Variants in ZFHX4 observed in about 807,000 individuals in gnomAD.
ZFHX4 encodes the protein zinc finger homeobox 4, also known as zinc finger homeobox protein 4.
In ZFHX4, 56 loss-of-function variants were observed where a neutral mutation model predicts 267.6. The ratio of observed to expected loss-of-function variants is 0.21; its 90% CI spans 0.17 to 0.26. The LOEUF is 0.26. ZFHX4 is among the 10% of genes least tolerant of loss of function. ZFHX4 has a pLI of 1.00. For missense variants in ZFHX4, 4,332 were observed against 4,420.0 expected, an observed-to-expected ratio of 0.98 and a Z score of 0.56; for synonymous variants, 1,778 against 1,665.6, an observed-to-expected ratio of 1.07 and a Z score of -1.64.
intron 4 of ZFHX4, among the ~76,000 whole-genome samples, chr8:76,794,873 T>TG (rs1554565461): frequency 4.9e-5 from 7 of 143,098 alleles, no homozygotes; most frequent in African/African-American, 1.3e-4. Flanking sequence ...TGGCCTGTCA[T>TG]TGTGTGTGTG....
At position 76,706,022 on chromosome 8, in the gene ZFHX4, A is replaced by G; in HGVS notation, c.1934A>G (p.Lys645Arg). 6.2e-7 allele frequency: 1 copy of G among 1,613,492 alleles called. No homozygotes were observed. Among genetic ancestry groups the G allele is most frequent in the Non-Finnish European group, 8.5e-7 (1 of 1,179,766 alleles). Residue 645 changes from lysine to arginine, a missense_variant, in exon 2 of 11, where the codon AAA becomes AGA. Lys to Arg is a conservative substitution (Grantham distance 26). Around this residue, in one of 7 missense-constraint regions of ZFHX4, gnomAD observed 1,195 missense variants for 1,173.6 expected, o/e 1.02. Transcript: ENST00000651372. Reference protein sequence around the residue: ...MHSRNSCKTLKCPKCNWHYKY... With the variant: ...MHSRNSCKTLRCPKCNWHYKY... Reference sequence around the variant, plus strand: ...TCGAGGAACTCATGCAAAACCCTCAAATGTCCTAAATGTAACTGGCACTAC... The same window carrying G: ...TCGAGGAACTCATGCAAAACCCTCAGATGTCCTAAATGTAACTGGCACTAC...
chr8:76,788,920 A>C (rs1029858353), intron 4 of ZFHX4, among the ~76,000 whole-genome samples: 1 of 152,260 alleles, frequency 6.6e-6, no homozygotes, highest in African/African-American at 2.4e-5. Flanking sequence ...CATACTGTCA[A>C]CATTGCCTTG....
At chr8:76,823,129 C>A (rs1304441315) in intron 4 of ZFHX4, among the ~76,000 whole-genome samples, 1 of 144,932 alleles carries the variant, frequency 6.9e-6, no homozygotes, top group African/African-American at 2.6e-5. Context: ...TATAGTGTCT[C>A]CTTTTTTTTT....
chr8:76,842,601 T>C (rs553134686), intron 5 of ZFHX4, 54 bp from the exon 6 acceptor site: 26 of 1,328,508 alleles, frequency 2.0e-5, no homozygotes, highest in South Asian at 2.6e-5. Flanking sequence ...TTTATTTCAG[T>C]GTGAACTTTT....
chr8:76,804,452 G>A (rs894282763), intron 4 of ZFHX4, among the ~76,000 whole-genome samples: 2 of 151,938 alleles, frequency 1.3e-5, no homozygotes, highest in African/African-American at 2.4e-5. Context: ...TTTTTAGTGA[G>A]TACCATAAAT....
intron 4 of ZFHX4, among the ~76,000 whole-genome samples, chr8:76,803,119 T>TC (rs1811155731): frequency 6.6e-6 from 1 of 152,078 alleles, no homozygotes. Flanking sequence ...GTAAGCAATA[T>TC]CCATTTAACA....
At chr8:76,690,146 A>G (rs1207381146) in intron 1 of ZFHX4, among the ~76,000 whole-genome samples, 2 of 152,044 alleles carry the variant, frequency 1.3e-5, no homozygotes, top group East Asian at 1.9e-4. Flanking sequence ...CATACCTCTA[A>G]AGACAACATT....
chr8:76,745,104 A>C (rs2131693066), intron 3 of ZFHX4, among the ~76,000 whole-genome samples: 1 of 152,268 alleles, frequency 6.6e-6, no homozygotes, highest in East Asian at 1.9e-4. Flanking sequence ...CTCTTCCACT[A>C]AAAAACATAC....
chr8:76,725,952 GCTTGAGGAAGCAA>G (rs1222699710), intron 3 of ZFHX4, among the ~76,000 whole-genome samples: 1 of 152,114 alleles, frequency 6.6e-6, no homozygotes, highest in Non-Finnish European at 1.5e-5. Flanking sequence ...GATTTGTGTT[GCTTGAGGAAGCAA>G]CTGATATGAA....
At chr8:76,709,062 A>G (rs1480439749) in intron 3 of ZFHX4, among the ~76,000 whole-genome samples, 1 of 152,200 alleles carries the variant, frequency 6.6e-6, no homozygotes. Context: ...TCAGGAGTCA[A>G]CCAGTGATTA....
intron 6 of ZFHX4, among the ~76,000 whole-genome samples, chr8:76,846,200 A>G (rs1419977475): frequency 4.6e-5 from 7 of 152,106 alleles, no homozygotes; most frequent in African/African-American, 7.2e-5. Context: ...ATACACGCAT[A>G]GAATGTAACA....
chr8:76,696,871 A>G (rs1428876713), intron 1 of ZFHX4, among the ~76,000 whole-genome samples: 1 of 152,004 alleles, frequency 6.6e-6, no homozygotes, highest in Admixed American at 6.6e-5. Context: ...GTAGAGTCTA[A>G]GAGTATTATA....
chr8:76,748,542 C>A (rs1000944927), intron 3 of ZFHX4, among the ~76,000 whole-genome samples: 10 of 152,304 alleles, frequency 6.6e-5, no homozygotes, highest in Admixed American at 3.9e-4. Flanking sequence ...TCAAGCGATC[C>A]TCCCACCTCA....
At chr8:76,834,169 C>A in intron 5 of ZFHX4, 1 of 445,630 alleles carries the variant, frequency 2.2e-6, no homozygotes, top group South Asian at 1.6e-5. Context: ...CAAGTTTTGG[C>A]AATTACGAAT....
intron 3 of ZFHX4, among the ~76,000 whole-genome samples, chr8:76,717,240 T>C (rs907285227): frequency 1.3e-5 from 2 of 152,224 alleles, no homozygotes; most frequent in Non-Finnish European, 2.9e-5. Context: ...TTGATCCATT[T>C]TAGTTACAAG....
In ZFHX4 at chr8:76,851,806, A is replaced by G. The variant is rs751027001; in HGVS notation, c.4885A>G (p.Ser1629Gly). The G allele has an allele frequency of 1.7e-5, 27 of 1,613,998 alleles. No individual in the cohort carries two copies. Among genetic ancestry groups the G allele is most frequent in the Non-Finnish European group, 2.1e-5 (25 of 1,179,878 alleles). ...GGCTAGGGCTGCAAAGCTGGAGCCC[A>G]GTGGTCATGTGGCTGGTGGGCACAG... ...TKARAAKLEP[S>G]GHVAGGHSIA... The change falls in exon 10 of 11, where the codon AGT becomes GGT. Residue 1629 changes from serine (S) to glycine (G), a missense_variant. Transcript: ENST00000651372.
At chr8:76,693,971 A>G (rs1807889330) in intron 1 of ZFHX4, among the ~76,000 whole-genome samples, 1 of 152,230 alleles carries the variant, frequency 6.6e-6, no homozygotes, top group Admixed American at 6.5e-5. Flanking sequence ...TCTGATGCCA[A>G]TAAGAACAGG....
chr8:76,791,069 A>G (rs1379846257), intron 4 of ZFHX4, among the ~76,000 whole-genome samples: 1 of 152,222 alleles, frequency 6.6e-6, no homozygotes, highest in Non-Finnish European at 1.5e-5. Context: ...TCAATTTGCT[A>G]CAAAAAAGAC....
intron 3 of ZFHX4, 136 bp downstream of exon 3, chr8:76,708,184 T>C: frequency 9.3e-7 from 1 of 1,071,050 alleles, no homozygotes. Flanking sequence ...CAGTTTCTGA[T>C]TAACATTATA....
Sources: allele counts gnomAD v4.1 joint callset (sites outside exome capture counted in the v4.1 genomes callset), GRCh38; gene constraint gnomAD v4.1.1; regional missense constraint gnomAD v4.1.1; transcripts MANE v1.5; gene names NCBI Gene and HGNC (gene_info 2026-07-23, HGNC 2026-07-21).